Variants in ASCC1 observed in about 807,000 individuals in gnomAD.
ASCC1 encodes the protein ASC-1 complex subunit P50.
A neutral mutation model predicts 46.6 loss-of-function variants in ASCC1; 35 were observed. That is an observed-to-expected ratio of 0.75 (90% CI 0.57 to 0.99). ASCC1 has a LOEUF of 0.99. ASCC1 is among the 50% of genes least tolerant of loss of function. The pLI is 0.00. For missense variants in ASCC1, 376 were observed against 428.7 expected (o/e 0.88, Z 1.09); for synonymous variants, 143 against 146.6 (o/e 0.98, Z 0.18).
intron 4 of ASCC1, among the ~76,000 whole-genome samples, chr10:72,202,388 A>T (rs1322756340): frequency 6.6e-6 from 1 of 152,044 alleles, no homozygotes; most frequent in Non-Finnish European, 1.5e-5. Flanking sequence ...GAATCGCTTG[A>T]ACCTGGGTAG....
chr10:72,126,654 C>A (rs1359141067), intron 9 of ASCC1, among the ~76,000 whole-genome samples: 1 of 152,144 alleles, frequency 6.6e-6, no homozygotes, highest in African/African-American at 2.4e-5. Context: ...GATTTCTTTC[C>A]CCATTCAGTC....
At chr10:72,193,776 T>A (rs1209120592) in intron 5 of ASCC1, among the ~76,000 whole-genome samples, 2 of 152,090 alleles carry the variant, frequency 1.3e-5, no homozygotes, top group East Asian at 3.8e-4. Context: ...GTCTTACCTC[T>A]TACTGTATAT....
At chr10:72,164,471 C>T (rs1850094827) in intron 5 of ASCC1, among the ~76,000 whole-genome samples, 1 of 152,134 alleles carries the variant, frequency 6.6e-6, no homozygotes, top group Non-Finnish European at 1.5e-5. Flanking sequence ...CACTCCTTCA[C>T]TCCTTTTTAG....
chr10:72,141,036 T>TATAGACAGATAGATAGATAGATAG (rs1554829948), intron 7 of ASCC1, among the ~76,000 whole-genome samples: 4 of 144,172 alleles, frequency 2.8e-5, no homozygotes, highest in African/African-American at 1.0e-4. Context: ...TCAAATTGTT[T>TATAGACAGATAGATAGATAGATAG]ATAGATAGAT....
intron 7 of ASCC1, 163 bp from the exon 8 acceptor site, chr10:72,133,344 G>A (rs1845820893): frequency 1.4e-6 from 1 of 689,876 alleles, no homozygotes; most frequent in Non-Finnish European, 2.5e-6. Context: ...CCATCATGGA[G>A]CTAAAGATCA....
intron 5 of ASCC1, among the ~76,000 whole-genome samples, chr10:72,184,501 G>C (rs180740170): frequency 1.7e-3 from 263 of 152,012 alleles, no homozygotes; most frequent in African/African-American, 6.1e-3. Context: ...ATCAAAAGAA[G>C]GTTAGAATGG....
At chr10:72,183,288 C>A (rs1474682672) in intron 5 of ASCC1, among the ~76,000 whole-genome samples, 1 of 152,158 alleles carries the variant, frequency 6.6e-6, no homozygotes, top group Non-Finnish European at 1.5e-5. Context: ...GGTGATCCAC[C>A]CACCTCAGCC....
At chr10:72,125,411 TTTTC>T (rs1370187231) in intron 9 of ASCC1, among the ~76,000 whole-genome samples, 1 of 152,228 alleles carries the variant, frequency 6.6e-6, no homozygotes, top group Non-Finnish European at 1.5e-5. Context: ...AATTGATTTT[TTTTC>T]TTTCTAAGCA....
chr10:72,193,166 C>T (rs185263448), intron 5 of ASCC1, among the ~76,000 whole-genome samples: 262 of 152,234 alleles, frequency 1.7e-3, no homozygotes, highest in African/African-American at 6.1e-3. Flanking sequence ...AACTTAGGTT[C>T]GCACAAAAAC....
At chr10:72,153,824 T>C (rs1273408511) in intron 6 of ASCC1, among the ~76,000 whole-genome samples, 2 of 150,842 alleles carry the variant, frequency 1.3e-5, no homozygotes, top group Non-Finnish European at 3.0e-5. Context: ...TAGATTCAAG[T>C]GATTCTCCTG....
intron 5 of ASCC1, among the ~76,000 whole-genome samples, chr10:72,176,110 CCATT>C (rs1186264510): frequency 1.3e-5 from 2 of 152,186 alleles, no homozygotes; most frequent in Non-Finnish European, 2.9e-5. Context: ...AACATTAATA[CCATT>C]ATTATCCCCA....
intron 6 of ASCC1, 132 bp downstream of exon 6, chr10:72,161,406 C>G (rs537659430): frequency 8.2e-5 from 94 of 1,144,080 alleles, no homozygotes; most frequent in Non-Finnish European, 1.2e-4. Context: ...CCTGTATTGC[C>G]TGAGTGGGCT....
rs114537787 is a variant in ASCC1 at position 72,213,291 on chromosome 10, A to G, written c.8T>C (p.Val3Ala). 9.3e-5 allele frequency: 150 copies of G among 1,610,196 alleles called. No individual in the cohort carries two copies. In the African/African-American group the frequency reaches 1.7e-3, roughly 19 times the overall value. MEVLRPQLIRIDG... is the reference protein window; with the variant it reads MEALRPQLIRIDG... ...AATTCTTATAAGCTGTGGACGCAGAACTTCCATGACACTTTCTCCAAATGA... is the reference window on the plus strand; with the variant it reads ...AATTCTTATAAGCTGTGGACGCAGAGCTTCCATGACACTTTCTCCAAATGA... The change falls in exon 2 of 10, where the codon GTT (valine) becomes GCT (alanine). Residue 3 changes from valine (V) to alanine (A), a missense_variant. Coordinates refer to ENST00000672957, the MANE Select transcript of ASCC1 (RefSeq NM_001198800.3).
intron 5 of ASCC1, among the ~76,000 whole-genome samples, chr10:72,185,215 G>C (rs1297720794): frequency 6.6e-6 from 1 of 152,184 alleles, no homozygotes. Context: ...GAAAAGATCT[G>C]ACAGTTTCCT....
At chr10:72,157,209 C>T (rs1353133540) in intron 6 of ASCC1, among the ~76,000 whole-genome samples, 1 of 152,184 alleles carries the variant, frequency 6.6e-6, no homozygotes, top group African/African-American at 2.4e-5. Flanking sequence ...ACAAGCCAAG[C>T]TCTGAACTGT....
At chr10:72,210,176 T>TTTTA (rs1857861232) in intron 3 of ASCC1, among the ~76,000 whole-genome samples, 1 of 150,878 alleles carries the variant, frequency 6.6e-6, no homozygotes, top group African/African-American at 2.4e-5. Flanking sequence ...TTTTTTTTTT[T>TTTTA]AAGACTAAGT....
intron 9 of ASCC1, among the ~76,000 whole-genome samples, chr10:72,114,001 C>T (rs942832637): frequency 6.6e-6 from 1 of 152,272 alleles, no homozygotes; most frequent in Middle Eastern, 3.4e-3. Flanking sequence ...GTTCAGTGCA[C>T]TTTATTTTTC....
chr10:72,132,999 C>T, intron 8 of ASCC1, 58 bp downstream of exon 8: 1 of 1,611,726 alleles, frequency 6.2e-7, no homozygotes, highest in Non-Finnish European at 8.5e-7. Flanking sequence ...ACCTAAACCT[C>T]AGAGATGCCA....
At position 72,171,793 on chromosome 10, in the gene ASCC1, T is replaced by C. The variant is rs369626925; in HGVS notation, c.490-10119A>G. Among the ~76,000 whole-genome samples, 27 of 152,324 alleles carry C rather than the reference T, an allele frequency of 1.8e-4. No homozygotes were observed. The East Asian group carries it at 2.5e-3, about 14-fold the overall frequency. ...AAGTCTCTTTTGCCATAAAAGGTAA[T>C]AGTCACCGGTTTTGGGATTATGATG... On this transcript the variant is annotated intron_variant, in intron 5 of 9. Coordinates refer to ENST00000672957, the MANE Select transcript of ASCC1 (RefSeq NM_001198800.3).
Sources: gnomAD v4.1 joint callset for allele counts (sites outside exome capture counted in the v4.1 genomes callset) on GRCh38, gnomAD v4.1.1 for gene constraint, MANE v1.5 for transcripts, NCBI Gene and HGNC (gene_info 2026-07-23, HGNC 2026-07-21) for gene names.